TSPAN9: variants seen among roughly 807,000 people sequenced by gnomAD.
TSPAN9 encodes tetraspanin-9.
In TSPAN9, 16 loss-of-function variants were observed where a neutral mutation model predicts 31.0. The observed-to-expected ratio is 0.52, with a 90% confidence interval of 0.35 to 0.78. TSPAN9 has a LOEUF of 0.78. TSPAN9 is among the 30% of genes least tolerant of loss of function. The pLI, the probability that TSPAN9 is intolerant of heterozygous loss-of-function variation, is 0.01. For synonymous variants in TSPAN9, 145 were observed against 121.6 expected, an observed-to-expected ratio of 1.19 and a Z score of -1.27; for missense variants, 272 against 312.5, an observed-to-expected ratio of 0.87 and a Z score of 0.98.
At chr12:3,232,350 T>A (rs543067254) in intron 3 of TSPAN9, among the ~76,000 whole-genome samples, 49 of 152,034 alleles carry the variant, frequency 3.2e-4, no homozygotes, top group Middle Eastern at 6.8e-3. Flanking sequence ...ACCAGTTTAA[T>A]TTTTTACCCC....
chr12:3,177,892 C>T (rs1005679112), intron 2 of TSPAN9, among the ~76,000 whole-genome samples: 3 of 152,174 alleles, frequency 2.0e-5, no homozygotes, highest in Non-Finnish European at 2.9e-5. Flanking sequence ...AGGCGGGTGA[C>T]GGCCAGTGTC....
chr12:3,277,176 A>G (rs989935818), intron 3 of TSPAN9, among the ~76,000 whole-genome samples: 7 of 152,198 alleles, frequency 4.6e-5, no homozygotes, highest in African/African-American at 1.4e-4. Context: ...TCTGCATACG[A>G]GAGGTTTGCA....
chr12:3,276,583 A>G (rs567013158), intron 3 of TSPAN9, among the ~76,000 whole-genome samples: 153 of 152,140 alleles, frequency 1.0e-3, no homozygotes, highest in African/African-American at 3.4e-3. Flanking sequence ...TTTTGCTTAA[A>G]CACCACCTCT....
At chr12:3,177,624 G>T (rs1034284571) in intron 2 of TSPAN9, among the ~76,000 whole-genome samples, 1 of 152,144 alleles carries the variant, frequency 6.6e-6, no homozygotes, top group Non-Finnish European at 1.5e-5. Context: ...GTAGAGATGG[G>T]GTTTTGCCAT....
chr12:3,225,478 CT>C (rs891381007), intron 3 of TSPAN9, among the ~76,000 whole-genome samples: 2 of 152,170 alleles, frequency 1.3e-5, no homozygotes, highest in Non-Finnish European at 2.9e-5. Flanking sequence ...GGAGTGACAG[CT>C]TCTGGGCAGA....
Position 3,283,264 on chromosome 12 carries a change from C to T in TSPAN9, c.*148C>T, listed in dbSNP as rs1005607748. The T allele has an allele frequency of 1.8e-5, 14 of 793,682 alleles. No homozygotes were observed. In the East Asian group the frequency reaches 2.1e-4, roughly 12 times the overall value. The allele number at this position is 793,682 out of a possible 1,614,324, so 49.2% of individuals were successfully genotyped here. A position where few individuals can be genotyped will look rare whatever the true frequency, so the allele number is the denominator to read the frequency against. ...TACCCCACCTACCCTGCCTCAGCCT[C>T]GGACTTCTCAGTGGGTGGAGTGCCA... is the stretch of plus-strand genomic sequence containing the variant. On this transcript the variant is annotated 3_prime_UTR_variant, in exon 9 of 9. Coordinates refer to ENST00000011898, the MANE Select transcript of TSPAN9 (RefSeq NM_006675.5).
At chr12:3,109,303 AGAGAGTGTGT>A (rs1357463819) in intron 2 of TSPAN9, among the ~76,000 whole-genome samples, 1 of 32,318 alleles carries the variant, frequency 3.1e-5, no homozygotes, top group Non-Finnish European at 5.7e-5. Context: ...TGTGTGTGAG[AGAGAGTGTGT>A]GTGTGTGTGT....
chr12:3,108,363 G>A (rs1353639049), intron 2 of TSPAN9, among the ~76,000 whole-genome samples: 2 of 152,224 alleles, frequency 1.3e-5, no homozygotes, highest in Non-Finnish European at 2.9e-5. Context: ...CCCCCGTCCT[G>A]TGCAAAGCAT....
At chr12:3,228,844 G>T (rs142584167) in intron 3 of TSPAN9, among the ~76,000 whole-genome samples, 1 of 152,290 alleles carries the variant, frequency 6.6e-6, no homozygotes, top group African/African-American at 2.4e-5. Flanking sequence ...AGTGTTGCAG[G>T]GCCATGCTCC....
chr12:3,195,361 G>A (rs555246556), intron 2 of TSPAN9, among the ~76,000 whole-genome samples: 2 of 152,262 alleles, frequency 1.3e-5, no homozygotes, highest in African/African-American at 2.4e-5. Flanking sequence ...GATGTGGCAT[G>A]TTGATTTCAT....
At chr12:3,149,411 C>T (rs1012130544) in intron 2 of TSPAN9, among the ~76,000 whole-genome samples, 2 of 152,164 alleles carry the variant, frequency 1.3e-5, no homozygotes, top group African/African-American at 4.8e-5. Flanking sequence ...TCTTTTTTAC[C>T]TGAAATTCAG....
At chr12:3,190,846 T>G (rs2098364004) in intron 2 of TSPAN9, among the ~76,000 whole-genome samples, 1 of 152,216 alleles carries the variant, frequency 6.6e-6, no homozygotes, top group South Asian at 2.1e-4. Flanking sequence ...TACTCATGCA[T>G]TTAGCAGTGA....
chr12:3,250,676 C>T (rs1159153241), intron 3 of TSPAN9, among the ~76,000 whole-genome samples: 1 of 152,260 alleles, frequency 6.6e-6, no homozygotes, highest in African/African-American at 2.4e-5. Flanking sequence ...GCCAGCTTCT[C>T]AGCAGCCACA....
intron 3 of TSPAN9, among the ~76,000 whole-genome samples, chr12:3,254,118 C>T (rs994247284): frequency 1.3e-5 from 2 of 152,178 alleles, no homozygotes; most frequent in African/African-American, 4.8e-5. Context: ...CCGGAGCACC[C>T]AGCCCCGAGC....
intron 2 of TSPAN9, among the ~76,000 whole-genome samples, chr12:3,088,478 TCAC>T: frequency 1.3e-5 from 2 of 152,290 alleles, no homozygotes; most frequent in African/African-American, 4.8e-5. Context: ...GGCCTGGCTG[TCAC>T]CCATCATCCA....
At chr12:3,234,330 C>T (rs1265689529) in intron 3 of TSPAN9, among the ~76,000 whole-genome samples, 1 of 152,216 alleles carries the variant, frequency 6.6e-6, no homozygotes, top group African/African-American at 2.4e-5. Context: ...TTACCTTCCT[C>T]TGAATTTCTC....
intron 3 of TSPAN9, among the ~76,000 whole-genome samples, chr12:3,228,693 C>T (rs971747707): frequency 3.3e-5 from 5 of 152,224 alleles, no homozygotes; most frequent in East Asian, 1.9e-4. Context: ...GTTGATGTTG[C>T]TGGGAGGTAT....
chr12:3,225,302 A>T (rs1357206939), intron 3 of TSPAN9, among the ~76,000 whole-genome samples: 1 of 151,538 alleles, frequency 6.6e-6, no homozygotes, highest in East Asian at 2.0e-4. Flanking sequence ...AGCACCCGCC[A>T]CTCCCCAGCC....
chr12:3,141,431 G>C lies in TSPAN9; in HGVS notation c.-18+57712G>C, dbSNP rs762582908. Among the ~76,000 whole-genome samples the C allele has an allele frequency of 9.1e-4, 139 of 152,130 alleles. 1 individual carries two copies. Among genetic ancestry groups the C allele is most frequent in the Non-Finnish European group, 1.9e-3 (132 of 68,018 alleles). ...CCTCTGCAGCGCACGGTGATGCCCTGGTCTCTGCCAGCTCACCTTCCTCCT... is the reference window on the plus strand; with the variant it reads ...CCTCTGCAGCGCACGGTGATGCCCTCGTCTCTGCCAGCTCACCTTCCTCCT... On this transcript the variant is annotated intron_variant, in intron 2 of 8. Transcript: ENST00000011898.
Sources: allele counts gnomAD v4.1 joint callset (sites outside exome capture counted in the v4.1 genomes callset), GRCh38; gene constraint gnomAD v4.1.1; transcripts MANE v1.5; gene names NCBI Gene and HGNC (gene_info 2026-07-23, HGNC 2026-07-21).